The following PPM1N variants were observed in gnomAD, a reference collection of about 807,000 sequenced individuals.
PPM1N encodes protein phosphatase, Mg2+/Mn2+ dependent 1N (putative).
PPM1N carries 35 observed loss-of-function variants against 32.6 expected under a neutral mutation model. The observed-to-expected ratio is 1.07, with a 90% CI of 0.82 to 1.43. The LOEUF (loss-of-function observed/expected upper bound fraction) is 1.43. PPM1N is among the 40% of genes most tolerant of loss of function. PPM1N has a pLI of 0.00. For missense variants in PPM1N, 648 were observed against 606.6 expected (o/e 1.07, Z -0.72); for synonymous variants, 275 against 270.5 (o/e 1.02, Z -0.16).
Position 45,499,968 on chromosome 19 carries a change from C to T in PPM1N, c.959C>T (p.Thr320Ile). 6.3e-7 allele frequency: 1 copy of T among 1,593,492 alleles called. No homozygotes were observed. The highest frequency in any genetic ancestry group is 8.6e-7 in the Non-Finnish European group (1 of 1,169,346). Residue 320 changes from threonine (T) to isoleucine (I), a missense_variant, in exon 2 of 5, where the codon ACC (threonine) becomes ATC (isoleucine). Thr to Ile is a moderately conservative substitution (Grantham distance 89). Coordinates refer to ENST00000451287, the MANE Select transcript of PPM1N (RefSeq NM_001080401.2). Reference sequence around the variant, plus strand: ...CTTCAGGGCAGCCTGGACAACATGACCTGCATCCTGGTCTGCTTCCCTGGG... The same window carrying T: ...CTTCAGGGCAGCCTGGACAACATGATCTGCATCCTGGTCTGCTTCCCTGGG... ...CLCKGSLDNM[T>I]CILVCFPGAP...
Position 45,499,121 on chromosome 19 carries a change from A to G in PPM1N, c.649A>G (p.Thr217Ala), listed in dbSNP as rs201185912. The G allele has an allele frequency of 2.0e-6, 3 of 1,517,952 alleles. No individual in the cohort carries two copies. In the East Asian group the frequency reaches 6.9e-5, roughly 35 times the overall value. The allele number at this position is 1,517,952 out of a possible 1,614,324, so 94.0% of individuals were successfully genotyped here. A position where few individuals can be genotyped will look rare whatever the true frequency, so the allele number is the denominator to read the frequency against. The change falls in exon 1 of 5, where the codon ACC becomes GCC. Residue 217 changes from threonine to alanine, a missense_variant. Transcript: ENST00000451287. ...CGAGCGCATCCACGCCGCTGGCGGC[A>G]CCATCCGCCGCCGCCGCGTCGAGGG... ...ERERIHAAGGTIRRRRVEGSL... is the reference protein window; with the variant it reads ...ERERIHAAGGAIRRRRVEGSL...
chr19:45,501,067 G>C (rs958760815), intron 4 of PPM1N, among the ~76,000 whole-genome samples: 1 of 152,074 alleles, frequency 6.6e-6, no homozygotes, highest in Non-Finnish European at 1.5e-5. Context: ...CATTGTGCAA[G>C]GCATGAGGAG....
At chr19:45,500,761 G>A (rs917448915) in intron 4 of PPM1N, 51 bp downstream of exon 4, 16 of 1,222,260 alleles carry the variant, frequency 1.3e-5, no homozygotes, top group South Asian at 3.0e-5. Flanking sequence ...ACGCCCCCCC[G>A]CCCACCCCTC....
In PPM1N at chr19:45,500,546, G is replaced by T. The variant is rs1442615774; in HGVS notation, c.1148G>T (p.Gly383Val). 1.2e-6 allele frequency: 2 copies of T among 1,609,752 alleles called. No individual in the cohort carries two copies. The highest frequency in any genetic ancestry group is 3.4e-5 in the Admixed American group (2 of 59,508). The change falls in exon 3 of 5, where the codon GGA (glycine) becomes GTA (valine). Residue 383 changes from glycine to valine, a missense_variant. Physicochemically the swap from Gly to Val is moderately radical, Grantham distance 109. Coordinates refer to ENST00000451287, the MANE Select transcript of PPM1N (RefSeq NM_001080401.2). ...GACATCCCAGATTTACCTCCTGGGG[G>T]AGGGCTGGACTGCAAGTGAGTTGGG... is the stretch of plus-strand genomic sequence containing the variant. Reference protein sequence around the residue: ...SEDIPDLPPGGGLDCKATVIA... With the variant: ...SEDIPDLPPGVGLDCKATVIA...
chr19:45,498,545 G>T lies in PPM1N; in HGVS notation c.73G>T (p.Gly25Trp). 8.9e-6 allele frequency: 13 copies of T among 1,453,682 alleles called. No homozygotes were observed. Among genetic ancestry groups the T allele is most frequent in the Non-Finnish European group, 1.2e-5 (13 of 1,106,728 alleles). The allele number at this position is 1,453,682 out of a possible 1,614,324, so 90.0% of individuals were successfully genotyped here. A position where few individuals can be genotyped will look rare whatever the true frequency, so the allele number is the denominator to read the frequency against. Residue 25 changes from glycine (G) to tryptophan (W), a missense_variant, in exon 1 of 5, where the codon GGG (glycine) becomes TGG (tryptophan). Coordinates refer to ENST00000451287, the MANE Select transcript of PPM1N (RefSeq NM_001080401.2). ...ACKKKEREKE[G>W]REEEEEEEAG... is the part of the protein sequence containing the mutation. Reference sequence around the variant, plus strand: ...CAAGAAAAAGGAGAGGGAGAAGGAGGGGAGGGAGGAAGAGGAGGAGGAGGA... The same window carrying T: ...CAAGAAAAAGGAGAGGGAGAAGGAGTGGAGGGAGGAAGAGGAGGAGGAGGA...
chr19:45,501,079 G>A (rs992889519), intron 4 of PPM1N, among the ~76,000 whole-genome samples: 3 of 152,118 alleles, frequency 2.0e-5, no homozygotes, highest in Non-Finnish European at 4.4e-5. Context: ...CATGAGGAGG[G>A]AGACGCAGAT....
Position 45,502,415 on chromosome 19 carries a change from C to T in PPM1N, c.*330C>T, listed in dbSNP as rs574800465. The T allele has an allele frequency of 1.0e-5, 5 of 484,068 alleles. No individual in the cohort carries two copies. The highest frequency in any genetic ancestry group is 6.2e-5 in the African/African-American group (3 of 48,462). 30.0% of individuals were successfully genotyped at this position (484,068 alleles called of 1,614,324 possible). On this transcript the variant is annotated 3_prime_UTR_variant, in exon 5 of 5. Coordinates refer to ENST00000451287, the MANE Select transcript of PPM1N (RefSeq NM_001080401.2). ...GATAACCCAGTCCAATAACCTCTTTCCTTCTTATTACTCATCTGTTTTTGA... is the reference window on the plus strand; with the variant it reads ...GATAACCCAGTCCAATAACCTCTTTTCTTCTTATTACTCATCTGTTTTTGA...
chr19:45,499,325 C>T lies in PPM1N; in HGVS notation c.853C>T (p.Leu285=), dbSNP rs143040880. 2 of 1,612,914 alleles carry T rather than the reference C, an allele frequency of 1.2e-6. No individual in the cohort carries two copies. The highest frequency in any genetic ancestry group is 1.7e-6 in the Non-Finnish European group (2 of 1,179,816). Residue 285 remains leucine, a synonymous_variant, in exon 1 of 5, where the codon CTG becomes TTG. Coordinates refer to ENST00000451287, the MANE Select transcript of PPM1N (RefSeq NM_001080401.2). ...GVWDTVSGAA[L]AGLVASRLRL... Reference sequence around the variant, plus strand: ...CTGGGACACTGTGTCTGGTGCTGCCCTGGCGGGACTGGTGGCTTCACGCCT... The same window carrying T: ...CTGGGACACTGTGTCTGGTGCTGCCTTGGCGGGACTGGTGGCTTCACGCCT...
At chr19:45,499,609 C>G (rs1017656468) in intron 1 of PPM1N, 198 bp downstream of exon 1, 7 of 1,549,094 alleles carry the variant, frequency 4.5e-6, no homozygotes, top group Non-Finnish European at 6.1e-6. Context: ...CTTTGAGGCA[C>G]GGGAGAGTTA....
chr19:45,501,004 C>T (rs1010161838), intron 4 of PPM1N, among the ~76,000 whole-genome samples: 2 of 152,062 alleles, frequency 1.3e-5, no homozygotes, highest in Non-Finnish European at 1.5e-5. Flanking sequence ...GCGGGAGCCA[C>T]TGCAACCCAG....
chr19:45,500,715 G>A lies in PPM1N; in HGVS notation c.1224+5G>A, dbSNP rs768786504. 11 of 1,593,390 alleles carry A rather than the reference G, an allele frequency of 6.9e-6. No individual in the cohort carries two copies. In the South Asian group the frequency reaches 1.3e-4, roughly 18 times the overall value. ...GTCTCAGAAGAGTGCGGAGAGGTAA[G>A]GATCCTGTGTTCTCCAGTGTTTCTC... On this transcript the variant is annotated splice_donor_5th_base_variant and intron_variant, in intron 4 of 4. Coordinates refer to ENST00000451287, the MANE Select transcript of PPM1N (RefSeq NM_001080401.2).
chr19:45,499,014 G>T lies in PPM1N; in HGVS notation c.542G>T (p.Gly181Val). The change falls in exon 1 of 5, where the codon GGT (glycine) becomes GTT (valine). Residue 181 changes from glycine to valine, a missense_variant. By Grantham distance (109) the Gly-to-Val change is moderately radical. Coordinates refer to ENST00000451287, the MANE Select transcript of PPM1N (RefSeq NM_001080401.2). ...SPRFLYLAHC[G>V]DSRAVLSRAG... Reference sequence around the variant, plus strand: ...CGGTTTCTGTACCTGGCGCACTGCGGTGACTCCCGCGCGGTGCTGAGCCGC... The same window carrying T: ...CGGTTTCTGTACCTGGCGCACTGCGTTGACTCCCGCGCGGTGCTGAGCCGC... The T allele has an allele frequency of 6.4e-7, 1 of 1,561,580 alleles. No homozygotes were observed. Among genetic ancestry groups the T allele is most frequent in the Non-Finnish European group, 8.6e-7 (1 of 1,163,548 alleles).
chr19:45,500,141 CTTTTTTT>C, intron 2 of PPM1N, 75 bp downstream of exon 2: 1 of 1,259,464 alleles, frequency 7.9e-7, no homozygotes, highest in East Asian at 3.0e-5. Context: ...TTCTTTTTTT[CTTTTTTT>C]TTTTGAGATG....
Position 45,499,411 on chromosome 19 carries a change from G to A in PPM1N, c.939G>A (p.Lys313=), listed in dbSNP as rs757395890. 6.3e-6 allele frequency: 10 copies of A among 1,596,962 alleles called. No individual in the cohort carries two copies. The highest frequency in any genetic ancestry group is 2.2e-5 in the East Asian group (1 of 44,742). Residue 313 remains lysine, a splice_region_variant and synonymous_variant, in exon 1 of 5, where the codon AAG becomes AAA. Coordinates refer to ENST00000451287, the MANE Select transcript of PPM1N (RefSeq NM_001080401.2). ...AGCTGTTGGACACGTGTCTGTGCAAGGTCCTGGGGGCGTGGCGTGGTACCT... is the reference window on the plus strand; with the variant it reads ...AGCTGTTGGACACGTGTCTGTGCAAAGTCCTGGGGGCGTGGCGTGGTACCT... ...CAQLLDTCLC[K]GSLDNMTCIL... is the part of the protein sequence containing the mutation.
At position 45,499,279 on chromosome 19, in the gene PPM1N, G is replaced by C. The variant is rs372837632; in HGVS notation, c.807G>C (p.Met269Ile). Residue 269 changes from methionine to isoleucine, a missense_variant, in exon 1 of 5, where the codon ATG becomes ATC. Transcript: ENST00000451287. ...CACGCCAGGCTGAGGACGAGTTCAT[G>C]CTCCTGGCCTCTGATGGCGTCTGGG... ...ALARQAEDEF[M>I]LLASDGVWDT... 6.2e-7 allele frequency: 1 copy of C among 1,612,500 alleles called. No individual in the cohort carries two copies. The highest frequency in any genetic ancestry group is 8.5e-7 in the Non-Finnish European group (1 of 1,179,702).
At chr19:45,500,785 A>G (rs1968402638) in intron 4 of PPM1N, 75 bp downstream of exon 4, 2 of 1,137,358 alleles carry the variant, frequency 1.8e-6, no homozygotes, top group Admixed American at 4.2e-5. Context: ...GTGACAGGGA[A>G]ATTGAAGCCA....
chr19:45,499,327 G>A lies in PPM1N; in HGVS notation c.855G>A (p.Leu285=), dbSNP rs1306195621. 4 of 1,612,956 alleles carry A rather than the reference G, an allele frequency of 2.5e-6. No individual in the cohort carries two copies. The highest frequency in any genetic ancestry group is 2.2e-5 in the East Asian group (1 of 44,886). Residue 285 remains leucine, a synonymous_variant, in exon 1 of 5, where the codon CTG becomes CTA. Coordinates refer to ENST00000451287, the MANE Select transcript of PPM1N (RefSeq NM_001080401.2). ...GVWDTVSGAA[L]AGLVASRLRL... ...GGGACACTGTGTCTGGTGCTGCCCT[G>A]GCGGGACTGGTGGCTTCACGCCTCC...
In PPM1N at chr19:45,498,587, CCCGAAGGGCCT is replaced by C; in HGVS notation, c.117_127del (p.Glu40ValfsTer88). On this transcript the variant is annotated frameshift_variant, in exon 1 of 5. Transcript: ENST00000451287. LOFTEE classifies it high-confidence loss of function. ...GGAGGAGGAGGCGGGGCGCAGGGCC[CCCGAAGGGCCT>C]CGGTCTCTGTTGACAGCGCCGCGCC... is the stretch of plus-strand genomic sequence containing the variant. 1 of 1,458,232 alleles carries C rather than the reference CCCGAAGGGCCT, an allele frequency of 6.9e-7. No homozygotes were observed. Among genetic ancestry groups the C allele is most frequent in the Non-Finnish European group, 9.0e-7 (1 of 1,110,264 alleles). The allele number at this position is 1,458,232 out of a possible 1,614,324, so 90.3% of individuals were successfully genotyped here. A position where few individuals can be genotyped will look rare whatever the true frequency, so the allele number is the denominator to read the frequency against.
At chr19:45,500,347 C>T (rs2122248664) in intron 2 of PPM1N, 109 bp from the exon 3 acceptor site, 1 of 974,488 alleles carries the variant, frequency 1.0e-6, no homozygotes, top group South Asian at 1.5e-5. Context: ...GTTGTCCAGG[C>T]TGGTCTCGAA....
Sources: gnomAD v4.1 joint callset for allele counts (sites outside exome capture counted in the v4.1 genomes callset) on GRCh38, gnomAD v4.1.1 for gene constraint, MANE v1.5 for transcripts, NCBI Gene and HGNC (gene_info 2026-07-23, HGNC 2026-07-21) for gene names.